The following CACNA2D1 variants were observed in gnomAD, a reference collection of about 807,000 sequenced individuals.
CACNA2D1 encodes calcium voltage-gated channel auxiliary subunit alpha2delta 1.
Under a neutral mutation model 171.5 loss-of-function variants are expected in CACNA2D1, and 53 were observed. The ratio of observed to expected loss-of-function variants is 0.31; its 90% confidence interval spans 0.25 to 0.39. The LOEUF (loss-of-function observed/expected upper bound fraction) is 0.39, where lower values mean the gene tolerates loss of function less well. Among genes scored for constraint, CACNA2D1 ranks in the 10% least tolerant of loss-of-function variants. The probability of loss-of-function intolerance (pLI) is 1.00; values close to 1 mark genes in which losing one functional copy is unlikely to be tolerated. For synonymous variants in CACNA2D1, 442 were observed against 443.1 expected (o/e 1.00, Z 0.03); for missense variants, 903 against 1,299.8 (o/e 0.69, Z 4.69).
intron 24 of CACNA2D1, among the ~76,000 whole-genome samples, chr7:81,980,452 T>C (rs1796335913): frequency 6.6e-6 from 1 of 152,182 alleles, no homozygotes; most frequent in African/African-American, 2.4e-5. Flanking sequence ...TGTAGTTTGA[T>C]GGTCCATAGT....
At chr7:82,337,680 CAG>C (rs1016569034) in intron 2 of CACNA2D1, among the ~76,000 whole-genome samples, 3 of 152,172 alleles carry the variant, frequency 2.0e-5, no homozygotes, top group Admixed American at 6.5e-5. Flanking sequence ...TGGCACCAGA[CAG>C]AGTTACATTT....
Position 81,950,355 on chromosome 7 carries a change from T to G in CACNA2D1, c.*37A>C, listed in dbSNP as rs1584121058. The G allele has an allele frequency of 6.2e-7, 1 of 1,612,744 alleles. No individual in the cohort carries two copies. The highest frequency in any genetic ancestry group is 8.5e-7 in the Non-Finnish European group (1 of 1,179,176). ...GGGCAGGGCTCATGTTTTGGCAGGG[T>G]CTGGAGTTTAACTATGCAGATTTGG... On this transcript the variant is annotated 3_prime_UTR_variant, in exon 39 of 39. Coordinates refer to ENST00000356860, the MANE Select transcript of CACNA2D1 (RefSeq NM_000722.4).
intron 3 of CACNA2D1, among the ~76,000 whole-genome samples, chr7:82,287,868 C>A (rs1176490096): frequency 6.6e-6 from 1 of 151,352 alleles, no homozygotes; most frequent in African/African-American, 2.4e-5. Context: ...GAGACAGAGT[C>A]TCGCTCTGTC....
At chr7:82,290,502 T>C (rs542267366) in intron 3 of CACNA2D1, among the ~76,000 whole-genome samples, 107 of 151,784 alleles carry the variant, frequency 7.0e-4, no homozygotes, top group Non-Finnish European at 1.3e-3. Context: ...TTTCATTTTA[T>C]TTTTTATTAA....
At chr7:82,194,778 G>T (rs958418679) in intron 3 of CACNA2D1, among the ~76,000 whole-genome samples, 1 of 151,882 alleles carries the variant, frequency 6.6e-6, no homozygotes, top group Non-Finnish European at 1.5e-5. Flanking sequence ...GGAAGAACTG[G>T]AAAACCTACG....
At chr7:82,352,542 C>T (rs1274532336) in intron 1 of CACNA2D1, among the ~76,000 whole-genome samples, 2 of 152,132 alleles carry the variant, frequency 1.3e-5, no homozygotes, top group Non-Finnish European at 2.9e-5. Flanking sequence ...TTTGTTAATC[C>T]ATTCAACAAG....
chr7:82,004,728 C>T (rs1017104740), intron 18 of CACNA2D1, among the ~76,000 whole-genome samples: 9 of 152,136 alleles, frequency 5.9e-5, no homozygotes, highest in East Asian at 1.9e-4. Context: ...AATTATAAGA[C>T]GTCTAAATAA....
chr7:82,439,188 A>G (rs1227635710), intron 1 of CACNA2D1, among the ~76,000 whole-genome samples: 1 of 152,114 alleles, frequency 6.6e-6, no homozygotes, highest in African/African-American at 2.4e-5. Context: ...TAAATTATAT[A>G]GTTTGTTATG....
chr7:82,241,077 A>C lies in CACNA2D1; in HGVS notation c.295-70468T>G, dbSNP rs539353937. On this transcript the variant is annotated intron_variant, in intron 3 of 38. Transcript: ENST00000356860. ...GAGAGTATACAAACCTAGGGATCTC[A>C]CTCAGTCCTTAAATCATCTTTGAAG... Among the ~76,000 whole-genome samples the C allele has an allele frequency of 2.2e-4, 34 of 152,248 alleles. No individual in the cohort carries two copies. In the South Asian group the frequency reaches 5.6e-3, roughly 25 times the overall value.
chr7:81,969,107 C>T (rs1795009870), intron 28 of CACNA2D1, 134 bp from the exon 29 acceptor site: 2 of 623,878 alleles, frequency 3.2e-6, no homozygotes. Context: ...AATGTTTGTG[C>T]TCTCCTTCCT....
Position 82,124,544 on chromosome 7 carries a change from A to T in CACNA2D1, c.397-7371T>A, listed in dbSNP as rs544401716. Reference sequence around the variant, plus strand: ...CTCTGATTGGTCACTTTCTGCAACCAATCAGAATGGTTGTGGGCCTCTACT... The same window carrying T: ...CTCTGATTGGTCACTTTCTGCAACCTATCAGAATGGTTGTGGGCCTCTACT... On this transcript the variant is annotated intron_variant, in intron 5 of 38. Transcript: ENST00000356860. Among the ~76,000 whole-genome samples, 501 of 152,218 alleles carry T rather than the reference A, an allele frequency of 3.3e-3. 6 individuals are homozygous for T. The highest frequency in any genetic ancestry group is 0.028 in the South Asian group (135 of 4,810).
At chr7:82,386,551 G>T (rs1046946099) in intron 1 of CACNA2D1, among the ~76,000 whole-genome samples, 2 of 151,936 alleles carry the variant, frequency 1.3e-5, no homozygotes, top group African/African-American at 4.8e-5. Context: ...TGACCAACAT[G>T]GAGAAACCCC....
At chr7:82,084,182 A>T (rs1437654934) in intron 7 of CACNA2D1, among the ~76,000 whole-genome samples, 1 of 152,146 alleles carries the variant, frequency 6.6e-6, no homozygotes, top group Non-Finnish European at 1.5e-5. Flanking sequence ...TATAATACAT[A>T]TTTATAAAAA....
chr7:81,964,174 T>C, intron 33 of CACNA2D1, 33 bp downstream of exon 33: 5 of 1,612,198 alleles, frequency 3.1e-6, no homozygotes, highest in Non-Finnish European at 2.5e-6. Context: ...TGAGTACCCC[T>C]TGAGAATTGA....
At position 82,117,054 on chromosome 7, in the gene CACNA2D1, G is replaced by A. The variant is rs1584806434; in HGVS notation, c.516C>T (p.Ile172=). 3 of 1,613,720 alleles carry A rather than the reference G, an allele frequency of 1.9e-6. No individual in the cohort carries two copies. Among genetic ancestry groups the A allele is most frequent in the Admixed American group, 1.7e-5 (1 of 59,978 alleles). Residue 172 remains isoleucine, a synonymous_variant, in exon 6 of 39, where the codon ATC becomes ATT. Transcript: ENST00000356860. The stretch of plus-strand genomic sequence containing the variant: ...CATTCTTTTACTTACAGCCCTCATA[G>A]ATGTCAGTAGGAATATGGACTGCTG... ...QHAAVHIPTD[I]YEGSTIVLNE...
chr7:82,042,450 A>G (rs572614139), intron 10 of CACNA2D1, among the ~76,000 whole-genome samples: 34 of 152,306 alleles, frequency 2.2e-4, no homozygotes, highest in African/African-American at 8.2e-4. Flanking sequence ...TTTTTCATCA[A>G]TTAAGAAAAT....
intron 3 of CACNA2D1, among the ~76,000 whole-genome samples, chr7:82,191,342 T>C (rs1259447227): frequency 6.6e-6 from 1 of 151,824 alleles, no homozygotes; most frequent in African/African-American, 2.4e-5. Flanking sequence ...GAAATAATTT[T>C]TCAAAAGCGA....
rs1792124642 is a variant in CACNA2D1 at position 81,947,366 on chromosome 7, C to T, written c.*3026G>A. The T allele has an allele frequency of 6.6e-6, 1 of 151,016 alleles. No homozygotes were observed. The highest frequency in any genetic ancestry group is 2.4e-5 in the African/African-American group (1 of 41,204). 9.4% of individuals were successfully genotyped at this position (151,016 alleles called of 1,614,324 possible). A position where few individuals can be genotyped will look rare whatever the true frequency, so the allele number is the denominator to read the frequency against. ...CCAAGTTAAGCAGTAACACCTCAAG[C>T]ATTAGAAACATGAAAAAAGATCATA... On this transcript the variant is annotated 3_prime_UTR_variant, in exon 39 of 39. Transcript: ENST00000356860.
At chr7:82,181,250 G>A (rs531496913) in intron 3 of CACNA2D1, among the ~76,000 whole-genome samples, 1 of 151,954 alleles carries the variant, frequency 6.6e-6, no homozygotes, top group African/African-American at 2.4e-5. Flanking sequence ...GACACACCAT[G>A]TCTGGCTGAG....
Sources: gnomAD v4.1 joint callset for allele counts (sites outside exome capture counted in the v4.1 genomes callset) on GRCh38, gnomAD v4.1.1 for gene constraint, MANE v1.5 for transcripts, NCBI Gene and HGNC (gene_info 2026-07-23, HGNC 2026-07-21) for gene names.